Variants in PPFIA3 observed in about 807,000 individuals in gnomAD.
The protein encoded by PPFIA3 is liprin-alpha-3.
Under a neutral mutation model 145.8 loss-of-function variants are expected in PPFIA3, and 26 were observed. That is an observed-to-expected ratio of 0.18 (90% CI 0.13 to 0.25). The LOEUF (loss-of-function observed/expected upper bound fraction) is 0.25, where lower values mean the gene tolerates loss of function less well. Ranked by LOEUF, PPFIA3 falls within the 10% of genes least tolerant of loss-of-function variation. PPFIA3 has a pLI of 1.00. For synonymous variants in PPFIA3, 645 were observed against 661.4 expected, an observed-to-expected ratio of 0.98 and a Z score of 0.38; for missense variants, 1,008 against 1,587.8, an observed-to-expected ratio of 0.63 and a Z score of 6.21.
rs370942589 is a variant in PPFIA3 at position 49,125,604 on chromosome 19, G to A, written c.-15-2255G>A. Among the ~76,000 whole-genome samples, 30 of 152,290 alleles carry A rather than the reference G, an allele frequency of 2.0e-4. No individual in the cohort carries two copies. In the South Asian group the frequency reaches 5.4e-3, roughly 27 times the overall value. On this transcript the variant is annotated intron_variant, in intron 1 of 29. Transcript: ENST00000334186. The stretch of plus-strand genomic sequence containing the variant: ...GGCTGGGGCTGGGGTTGGTGGGAGC[G>A]TCCCAGAACTCCTGGGTCCTGGAGG...
rs2041031240 is a variant in PPFIA3, at chr19:49,128,487, G to A, written c.342+19G>A. 1 of 1,606,054 alleles carries A rather than the reference G, an allele frequency of 6.2e-7. No homozygotes were observed. The highest frequency in any genetic ancestry group is 8.5e-7 in the Non-Finnish European group (1 of 1,174,436). ...CACGCGGGTGAGGGGTGTTGAGGGCGGGGCCTAAGTGGGGGCGGGGCCTCG... is the reference window on the plus strand; with the variant it reads ...CACGCGGGTGAGGGGTGTTGAGGGCAGGGCCTAAGTGGGGGCGGGGCCTCG... On this transcript the variant is annotated intron_variant, in intron 3 of 29. Transcript: ENST00000334186. This position sits in a 1 kb window ranked among gnomAD's most constrained non-coding sequence, Gnocchi z 4.1.
Position 49,136,802 on chromosome 19 carries a change from G to A in PPFIA3, c.1744G>A (p.Ala582Thr), listed in dbSNP as rs1365295811. 7 of 1,593,790 alleles carry A rather than the reference G, an allele frequency of 4.4e-6. No individual in the cohort carries two copies. The Admixed American group carries it at 8.8e-5, about 20-fold the overall frequency. ...GELDGSDEEE[A>T]EGMFGAELLS... ...ACTGGACGGCTCCGATGAGGAGGAGGCAGAGGGGATGTTTGGGGCCGAGCT... is the reference window on the plus strand; with the variant it reads ...ACTGGACGGCTCCGATGAGGAGGAGACAGAGGGGATGTTTGGGGCCGAGCT... The change falls in exon 15 of 30, where the codon GCA becomes ACA. Residue 582 changes from alanine (A) to threonine (T), a missense_variant. This residue lies in a region of PPFIA3 where 121 missense variants were observed against 138.2 expected (regional missense o/e 0.88). Coordinates refer to ENST00000334186, the MANE Select transcript of PPFIA3 (RefSeq NM_003660.4).
At chr19:49,140,427 G>A (rs562895250) in intron 18 of PPFIA3, among the ~76,000 whole-genome samples, 1 of 149,790 alleles carries the variant, frequency 6.7e-6, no homozygotes, top group Non-Finnish European at 1.5e-5. Context: ...TGGCTCACTG[G>A]AACCTCTACC....
chr19:49,135,788 T>G lies in PPFIA3; in HGVS notation c.1530T>G (p.Pro510=), dbSNP rs113630721. 3.5e-4 allele frequency: 569 copies of G among 1,611,452 alleles called. 5 individuals are homozygous for G. The African/African-American group carries it at 7.0e-3, about 20-fold the overall frequency. The change falls in exon 14 of 30, where the codon CCT becomes CCG. Residue 510 remains proline, a synonymous_variant. Transcript: ENST00000334186. ...RPPSSYSRSL[P]GSALELRYSQ... is the part of the protein sequence containing the mutation. ...TTCCTCATGCCCACAGGTCTCTCCC[T>G]GGCAGTGCCCTGGAGCTCCGTTACT...
chr19:49,129,565 C>A, intron 5 of PPFIA3, 111 bp downstream of exon 5: 1 of 1,161,876 alleles, frequency 8.6e-7, no homozygotes. Flanking sequence ...TGGGGCAGGA[C>A]TAGGGCAGAC....
In PPFIA3 at chr19:49,130,926, A is replaced by ATCTT. The variant is rs1433487982; in HGVS notation, c.879+328_879+331dup. 6.6e-6 allele frequency among the ~76,000 whole-genome samples: 1 copy of ATCTT among 150,816 alleles called. No individual in the cohort carries two copies. Among genetic ancestry groups the ATCTT allele is most frequent in the Non-Finnish European group, 1.5e-5 (1 of 67,874 alleles). On this transcript the variant is annotated intron_variant, in intron 7 of 29. Coordinates refer to ENST00000334186, the MANE Select transcript of PPFIA3 (RefSeq NM_003660.4). The surrounding 1 kb of genome is among the most constrained non-coding windows in gnomAD (Gnocchi z 4.5). ...GCCCAGGCTGGAGTGCAGTGGCGTG[A>ATCTT]TCTTGGCTTACTGCCACCTCTGCCT... is the stretch of plus-strand genomic sequence containing the variant.
rs1480458533 is a variant in PPFIA3, at chr19:49,134,168, G to A, written c.1377+3G>A. On this transcript the variant is annotated splice_donor_region_variant and intron_variant, in intron 11 of 29. Transcript: ENST00000334186. ...GCATGGGGGCGCTGGAGGAGAAGGT[G>A]CGCCCCCCATACAGGACTGCGGGAC... The A allele has an allele frequency of 1.9e-6, 3 of 1,608,166 alleles. No homozygotes were observed. The South Asian group carries it at 3.3e-5, about 18-fold the overall frequency.
intron 14 of PPFIA3, 44 bp downstream of exon 14, chr19:49,135,967 G>C (rs1302839066): frequency 9.9e-6 from 15 of 1,520,836 alleles, no homozygotes; most frequent in East Asian, 2.4e-5. Flanking sequence ...GGGCTTGGGC[G>C]GGCAGCTGTA....
At chr19:49,138,004 C>A (rs996963023) in intron 15 of PPFIA3, among the ~76,000 whole-genome samples, 2 of 152,166 alleles carry the variant, frequency 1.3e-5, no homozygotes, top group African/African-American at 4.8e-5. Flanking sequence ...CCTGCAATGA[C>A]TTCCTGAGAC....
At position 49,128,964 on chromosome 19, in the gene PPFIA3, C is replaced by T. The variant is rs2041037069; in HGVS notation, c.459C>T (p.Leu153=). 1.9e-6 allele frequency: 3 copies of T among 1,613,172 alleles called. No individual in the cohort carries two copies. The highest frequency in any genetic ancestry group is 2.5e-6 in the Non-Finnish European group (3 of 1,179,720). Residue 153 remains leucine, a synonymous_variant, in exon 4 of 30, where the codon CTC becomes CTT. Transcript: ENST00000334186. The surrounding 1 kb of genome is among the most constrained non-coding windows in gnomAD (Gnocchi z 4.1). The part of the protein sequence containing the change: ...PGGVSSEVEV[L]KALKSLFEHH... ...GGGTCTCCTCGGAGGTAGAAGTGCT[C>T]AAAGCTCTAAAGTCTCTCTTCGAGC...
Position 49,149,982 on chromosome 19 carries a change from C to G in PPFIA3, c.3527-98C>G. The G allele has an allele frequency of 2.2e-6, 3 of 1,391,618 alleles. No individual in the cohort carries two copies. The highest frequency in any genetic ancestry group is 3.0e-6 in the Non-Finnish European group (3 of 1,013,068). 86.2% of individuals were successfully genotyped at this position (1,391,618 alleles called of 1,614,324 possible). ...GGAAACCCATGTGGAGCCCGGCGATCGTTGTGACATCGGGAAGGGAAGTCC... is the reference window on the plus strand; with the variant it reads ...GGAAACCCATGTGGAGCCCGGCGATGGTTGTGACATCGGGAAGGGAAGTCC... On this transcript the variant is annotated intron_variant, in intron 28 of 29. Transcript: ENST00000334186. This position sits in a 1 kb window ranked among gnomAD's most constrained non-coding sequence, Gnocchi z 5.7.
intron 13 of PPFIA3, 78 bp downstream of exon 13, chr19:49,134,993 A>C: frequency 1.6e-6 from 2 of 1,250,004 alleles, no homozygotes; most frequent in Non-Finnish European, 1.1e-6. Flanking sequence ...TCTGATCCCC[A>C]CTTCCTGTCC....
At position 49,130,365 on chromosome 19, in the gene PPFIA3, T is replaced by C. The variant is rs1391594471; in HGVS notation, c.658-13T>C. The C allele has an allele frequency of 1.3e-6, 2 of 1,584,368 alleles. No individual in the cohort carries two copies. The highest frequency in any genetic ancestry group is 1.8e-5 in the Admixed American group (1 of 56,290). On this transcript the variant is annotated splice_polypyrimidine_tract_variant and intron_variant, in intron 6 of 29. Transcript: ENST00000334186. This position sits in a 1 kb window ranked among gnomAD's most constrained non-coding sequence, Gnocchi z 4.5. ...ACACTCTGGGATCTTGTCCCCTCCT[T>C]CCCTCACTCCAGACTCTTGCCAATG... is the stretch of plus-strand genomic sequence containing the variant.
intron 21 of PPFIA3, among the ~76,000 whole-genome samples, chr19:49,144,924 TTTTC>T (rs954082707): frequency 5.3e-5 from 8 of 150,646 alleles, no homozygotes; most frequent in African/African-American, 1.2e-4. Flanking sequence ...TTTTCTTTTC[TTTTC>T]TTTCTTTTTT....
chr19:49,135,836 T>C lies in PPFIA3; in HGVS notation c.1578T>C (p.Ser526=), dbSNP rs774991079. The C allele has an allele frequency of 3.7e-6, 6 of 1,613,908 alleles. No homozygotes were observed. In the South Asian group the frequency reaches 5.5e-5, roughly 15 times the overall value. Residue 526 remains serine, a synonymous_variant, in exon 14 of 30, where the codon TCT becomes TCC. Coordinates refer to ENST00000334186, the MANE Select transcript of PPFIA3 (RefSeq NM_003660.4). ...LRYSQAPTLP[S]GAHLDPYVAG... ...ACTCTCAGGCACCCACTTTACCTTC[T>C]GGTGCCCACCTGGATCCCTATGTGG...
chr19:49,132,407 AAAAAAAAAAAAAAG>A (rs2041085774), intron 7 of PPFIA3, among the ~76,000 whole-genome samples: 1 of 149,938 alleles, frequency 6.7e-6, no homozygotes, highest in Admixed American at 6.7e-5. Flanking sequence ...AAAAAAAAAA[AAAAAAAAAAAAAAG>A]AAAGAGAGAG....
rs1236640045 is a variant in PPFIA3 at position 49,133,496 on chromosome 19, C to T, written c.1161+125C>T. ...CCGGATTTGGGGGAAAGGGTGGGGC[C>T]TAGGGGCTGGGAAAGGGACAGGACT... On this transcript the variant is annotated intron_variant, in intron 9 of 29. Transcript: ENST00000334186. This position sits in a 1 kb window ranked among gnomAD's most constrained non-coding sequence, Gnocchi z 7.2. The T allele has an allele frequency of 6.4e-5, 79 of 1,224,996 alleles. No homozygotes were observed. Among genetic ancestry groups the T allele is most frequent in the Non-Finnish European group, 5.5e-6 (5 of 907,180 alleles). 75.9% of individuals were successfully genotyped at this position (1,224,996 alleles called of 1,614,324 possible).
Position 49,134,031 on chromosome 19 carries a change from C to T in PPFIA3, c.1246-3C>T, listed in dbSNP as rs1362436670. 2.4e-5 allele frequency: 38 copies of T among 1,611,602 alleles called. No individual in the cohort carries two copies. Among genetic ancestry groups the T allele is most frequent in the Non-Finnish European group, 3.0e-5 (35 of 1,179,006 alleles). On this transcript the variant is annotated splice_region_variant and splice_polypyrimidine_tract_variant and intron_variant, in intron 10 of 29. Transcript: ENST00000334186. ...ACAACCCGCCCCGCTCTGCTTTGCG[C>T]AGGCCCGGCAGCGGGAGAAGATGAA...
Position 49,128,934 on chromosome 19 carries a change from G to A in PPFIA3, c.429G>A (p.Pro143=). The change falls in exon 4 of 30, where the codon CCG becomes CCA. Residue 143 remains proline (P), a synonymous_variant. Coordinates refer to ENST00000334186, the MANE Select transcript of PPFIA3 (RefSeq NM_003660.4). This position sits in a 1 kb window ranked among gnomAD's most constrained non-coding sequence, Gnocchi z 4.1. ...MTVVKRQAQS[P]GGVSSEVEVL... ...TGGTGAAGCGCCAGGCCCAGTCCCC[G>A]GGTGGGGTCTCCTCGGAGGTAGAAG... is the stretch of plus-strand genomic sequence containing the variant. The A allele has an allele frequency of 1.2e-6, 2 of 1,614,030 alleles. No individual in the cohort carries two copies. Among genetic ancestry groups the A allele is most frequent in the South Asian group, 1.1e-5 (1 of 91,068 alleles).
Sources: allele counts gnomAD v4.1 joint callset (sites outside exome capture counted in the v4.1 genomes callset), GRCh38; gene constraint gnomAD v4.1.1; regional missense constraint gnomAD v4.1.1; non-coding constraint Gnocchi (gnomAD v3.1); transcripts MANE v1.5; gene names NCBI Gene and HGNC (gene_info 2026-07-23, HGNC 2026-07-21).